Variants in SLC35A3 observed in about 807,000 individuals in gnomAD.
The protein encoded by SLC35A3 is UDP-N-acetylglucosamine transporter.
SLC35A3 carries 26 observed loss-of-function variants against 39.0 expected under a neutral mutation model. That is an observed-to-expected ratio of 0.67 (90% CI 0.49 to 0.92). The LOEUF (loss-of-function observed/expected upper bound fraction) is 0.92. Among genes scored for constraint, SLC35A3 ranks in the 40% least tolerant of loss-of-function variants. The pLI is 0.00. For missense variants in SLC35A3, 299 were observed against 371.6 expected (o/e 0.80, Z 1.61); for synonymous variants, 135 against 133.1 (o/e 1.01, Z -0.10).
intron 1 of SLC35A3, among the ~76,000 whole-genome samples, chr1:99,987,419 C>T (rs550952205): frequency 2.6e-5 from 4 of 151,276 alleles, no homozygotes; most frequent in East Asian, 1.9e-4. Flanking sequence ...TGCTTAAGAT[C>T]GTTTTTTCCA....
Position 100,035,073 on chromosome 1 carries a change from A to C in SLC35A3, c.*12597A>C, listed in dbSNP as rs957702763. Reference sequence around the variant, plus strand: ...AGTTTGTGAATACGGTCATCCCTCCATATGAGGAGGGGAGTGGGAATTGGT... The same window carrying C: ...AGTTTGTGAATACGGTCATCCCTCCCTATGAGGAGGGGAGTGGGAATTGGT... On this transcript the variant is annotated 3_prime_UTR_variant, in exon 8 of 8. Coordinates refer to ENST00000533028, the MANE Select transcript of SLC35A3 (RefSeq NM_012243.3). The C allele has an allele frequency of 6.6e-6, 1 of 152,162 alleles. No individual in the cohort carries two copies. The highest frequency in any genetic ancestry group is 1.5e-5 in the Non-Finnish European group (1 of 68,028). The allele number at this position is 152,162 out of a possible 1,614,324, so 9.4% of individuals were successfully genotyped here. A position where few individuals can be genotyped will look rare whatever the true frequency, so the allele number is the denominator to read the frequency against.
chr1:99,987,188 A>T (rs1468358666), intron 1 of SLC35A3, among the ~76,000 whole-genome samples: 1 of 152,224 alleles, frequency 6.6e-6, no homozygotes, highest in Non-Finnish European at 1.5e-5. Flanking sequence ...TGAACAAATC[A>T]TCTACTTCTC....
Position 100,034,174 on chromosome 1 carries a change from C to A in SLC35A3, c.*11698C>A, listed in dbSNP as rs1027245876. 5.3e-5 allele frequency: 8 copies of A among 152,074 alleles called. No homozygotes were observed. Among genetic ancestry groups the A allele is most frequent in the African/African-American group, 1.9e-4 (8 of 41,412 alleles). 9.4% of individuals were successfully genotyped at this position (152,074 alleles called of 1,614,324 possible). Reference sequence around the variant, plus strand: ...TTGTTTGTTGTTTTTTACCTAGAGACCCAGATAATTTTTTCTATATTATTT... The same window carrying A: ...TTGTTTGTTGTTTTTTACCTAGAGAACCAGATAATTTTTTCTATATTATTT... On this transcript the variant is annotated 3_prime_UTR_variant, in exon 8 of 8. Coordinates refer to ENST00000533028, the MANE Select transcript of SLC35A3 (RefSeq NM_012243.3).
rs924677389 is a variant in SLC35A3 at position 100,024,581 on chromosome 1, A to ACC, written c.*2106_*2107insCC. On this transcript the variant is annotated 3_prime_UTR_variant, in exon 8 of 8. Coordinates refer to ENST00000533028, the MANE Select transcript of SLC35A3 (RefSeq NM_012243.3). ...AAAAAAAAAGAAAACACACACACAC[A>ACC]CACACACACCCACAGTATGAATGAA... is the stretch of plus-strand genomic sequence containing the variant. 8.4e-5 allele frequency: 20 copies of ACC among 237,524 alleles called. No homozygotes were observed. The highest frequency in any genetic ancestry group is 3.4e-4 in the Admixed American group (6 of 17,678). The allele number at this position is 237,524 out of a possible 1,614,324, so 14.7% of individuals were successfully genotyped here. A position where few individuals can be genotyped will look rare whatever the true frequency, so the allele number is the denominator to read the frequency against.
chr1:99,973,850 A>G (rs1289245783), intron 1 of SLC35A3, among the ~76,000 whole-genome samples: 1 of 152,170 alleles, frequency 6.6e-6, no homozygotes, highest in Non-Finnish European at 1.5e-5. Context: ...CCCTGTCTCT[A>G]CTAAAAATAC....
At chr1:100,020,861 G>A (rs1171804382) in intron 7 of SLC35A3, among the ~76,000 whole-genome samples, 1 of 152,150 alleles carries the variant, frequency 6.6e-6, no homozygotes, top group African/African-American at 2.4e-5. Context: ...TGTCAAGAAA[G>A]TGTATGTTGT....
In SLC35A3 at chr1:100,034,817, C is replaced by T. The variant is rs1429417848; in HGVS notation, c.*12341C>T. The T allele has an allele frequency of 6.6e-6, 1 of 152,106 alleles. No homozygotes were observed. Among genetic ancestry groups the T allele is most frequent in the East Asian group, 1.9e-4 (1 of 5,200 alleles). 9.4% of individuals were successfully genotyped at this position (152,106 alleles called of 1,614,324 possible). On this transcript the variant is annotated 3_prime_UTR_variant, in exon 8 of 8. Coordinates refer to ENST00000533028, the MANE Select transcript of SLC35A3 (RefSeq NM_012243.3). ...CACTTGCCTTTCTTTCCAAGGAATCCCACTCCCTTTCAAGGTGCCTCATGA... is the reference window on the plus strand; with the variant it reads ...CACTTGCCTTTCTTTCCAAGGAATCTCACTCCCTTTCAAGGTGCCTCATGA...
rs1191805853 is a variant in SLC35A3, at chr1:100,030,447, T to C, written c.*7971T>C. The C allele has an allele frequency of 6.6e-6, 1 of 152,246 alleles. No individual in the cohort carries two copies. Among genetic ancestry groups the C allele is most frequent in the African/African-American group, 2.4e-5 (1 of 41,460 alleles). The allele number at this position is 152,246 out of a possible 1,614,324, so 9.4% of individuals were successfully genotyped here. ...GCTTTGAATGTGGCTCAACACAAAT[T>C]TGTAAACTTTCTTAAAACAGTATGA... On this transcript the variant is annotated 3_prime_UTR_variant, in exon 8 of 8. Coordinates refer to ENST00000533028, the MANE Select transcript of SLC35A3 (RefSeq NM_012243.3).
intron 1 of SLC35A3, 61 bp downstream of exon 1, chr1:99,970,223 C>T (rs1656719456): frequency 4.7e-6 from 1 of 214,178 alleles, no homozygotes; most frequent in Non-Finnish European, 9.3e-6. Context: ...TGCGGGGCGG[C>T]CCGGGAAGCT....
intron 2 of SLC35A3, among the ~76,000 whole-genome samples, chr1:99,998,747 T>C (rs1658565736): frequency 6.6e-6 from 1 of 152,210 alleles, no homozygotes. Flanking sequence ...ACTCACCCCA[T>C]GTGACACAAA....
At position 100,027,254 on chromosome 1, in the gene SLC35A3, C is replaced by T. The variant is rs1052070925; in HGVS notation, c.*4778C>T. On this transcript the variant is annotated 3_prime_UTR_variant, in exon 8 of 8. Coordinates refer to ENST00000533028, the MANE Select transcript of SLC35A3 (RefSeq NM_012243.3). ...ATCGCTTGAGCCCATGAATTTGAGG[C>T]CAGCCTGGGCAACATAGCCTTGTTT... 1.0e-5 allele frequency: 4 copies of T among 398,332 alleles called. No individual in the cohort carries two copies. Among genetic ancestry groups the T allele is most frequent in the Non-Finnish European group, 1.8e-5 (4 of 226,016 alleles). 24.7% of individuals were successfully genotyped at this position (398,332 alleles called of 1,614,324 possible).
Position 100,003,628 on chromosome 1 carries a change from TC to T in SLC35A3, c.343-3404del, listed in dbSNP as rs1176573475. Among the ~76,000 whole-genome samples the T allele has an allele frequency of 1.1e-4, 16 of 152,276 alleles. No individual in the cohort carries two copies. The South Asian group carries it at 1.9e-3, about 18-fold the overall frequency. On this transcript the variant is annotated intron_variant, in intron 3 of 7. Transcript: ENST00000533028. ...AAGTGTTTTGTGAATGTCTGGGAGT[TC>T]CATTAGGTATAAAGTGTAGTTTAAA... is the stretch of plus-strand genomic sequence containing the variant.
chr1:99,984,659 A>G (rs1570575212), intron 1 of SLC35A3, among the ~76,000 whole-genome samples: 1 of 152,200 alleles, frequency 6.6e-6, no homozygotes, highest in African/African-American at 2.4e-5. Flanking sequence ...GAATCTCCAC[A>G]TTGTTTTCCA....
intron 1 of SLC35A3, among the ~76,000 whole-genome samples, chr1:99,981,212 G>A (rs1657429659): frequency 6.6e-6 from 1 of 152,076 alleles, no homozygotes; most frequent in African/African-American, 2.4e-5. Context: ...CCTAGTAGTT[G>A]TCTCTGACCA....
intron 3 of SLC35A3, chr1:100,000,524 CTG>C (rs1288227208): frequency 6.6e-6 from 1 of 151,988 alleles, no homozygotes; most frequent in Non-Finnish European, 1.5e-5. Flanking sequence ...CAGATTGTGT[CTG>C]TATTTTTTTC....
rs1265877626 is a variant in SLC35A3 at position 100,029,784 on chromosome 1, T to C, written c.*7308T>C. Reference sequence around the variant, plus strand: ...TTTTAATTTTAGAATATCTGTCAAATGATTCTGAACATAACATGAATCTAG... The same window carrying C: ...TTTTAATTTTAGAATATCTGTCAAACGATTCTGAACATAACATGAATCTAG... On this transcript the variant is annotated 3_prime_UTR_variant, in exon 8 of 8. Transcript: ENST00000533028. 6.6e-6 allele frequency: 1 copy of C among 152,160 alleles called. No individual in the cohort carries two copies. The highest frequency in any genetic ancestry group is 2.4e-5 in the African/African-American group (1 of 41,434). 9.4% of individuals were successfully genotyped at this position (152,160 alleles called of 1,614,324 possible).
Position 100,024,126 on chromosome 1 carries a change from A to G in SLC35A3, c.*1650A>G, listed in dbSNP as rs1013024896. Reference sequence around the variant, plus strand: ...GGATGCAGATTACATGAGTTATTTAATAAGTTGATTCAAGAGAGAGAGAGT... The same window carrying G: ...GGATGCAGATTACATGAGTTATTTAGTAAGTTGATTCAAGAGAGAGAGAGT... On this transcript the variant is annotated 3_prime_UTR_variant, in exon 8 of 8. Coordinates refer to ENST00000533028, the MANE Select transcript of SLC35A3 (RefSeq NM_012243.3). 10 of 152,298 alleles carry G rather than the reference A, an allele frequency of 6.6e-5. No individual in the cohort carries two copies. Among genetic ancestry groups the G allele is most frequent in the African/African-American group, 2.4e-4 (10 of 41,556 alleles). 9.4% of individuals were successfully genotyped at this position (152,298 alleles called of 1,614,324 possible).
rs746360152 is a variant in SLC35A3, at chr1:100,023,367, GT to G, written c.*892del. The G allele has an allele frequency of 1.4e-4, 21 of 152,006 alleles. No individual in the cohort carries two copies. Among genetic ancestry groups the G allele is most frequent in the Non-Finnish European group, 2.2e-4 (15 of 67,994 alleles). The allele number at this position is 152,006 out of a possible 1,614,324, so 9.4% of individuals were successfully genotyped here. ...CATTTAATAATTTAAAATAATTATT[GT>G]ATAATATCTACATTTGGAGAATTTT... is the stretch of plus-strand genomic sequence containing the variant. On this transcript the variant is annotated 3_prime_UTR_variant, in exon 8 of 8. Coordinates refer to ENST00000533028, the MANE Select transcript of SLC35A3 (RefSeq NM_012243.3).
At chr1:99,992,045 C>A (rs1658119966) in intron 1 of SLC35A3, among the ~76,000 whole-genome samples, 1 of 152,166 alleles carries the variant, frequency 6.6e-6, no homozygotes. Context: ...CTGCACCCAG[C>A]CAGGTAGATC....
Sources: gnomAD v4.1 joint callset for allele counts (sites outside exome capture counted in the v4.1 genomes callset) on GRCh38, gnomAD v4.1.1 for gene constraint, MANE v1.5 for transcripts, NCBI Gene and HGNC (gene_info 2026-07-23, HGNC 2026-07-21) for gene names.